The following CTNNA2 variants were observed in gnomAD, a reference collection of about 807,000 sequenced individuals.
CTNNA2 encodes the protein catenin alpha 2.
In CTNNA2, 42 loss-of-function variants were observed where a neutral mutation model predicts 101.0. The ratio of observed to expected loss-of-function variants is 0.42; its 90% confidence interval spans 0.32 to 0.54. The LOEUF (loss-of-function observed/expected upper bound fraction) is 0.54. CTNNA2 is among the 20% of genes least tolerant of loss of function. The pLI is 0.14. For missense variants in CTNNA2, 871 were observed against 1,223.1 expected, an observed-to-expected ratio of 0.71 and a Z score of 4.29; for synonymous variants, 450 against 456.4, an observed-to-expected ratio of 0.99 and a Z score of 0.18.
intron 9 of CTNNA2, among the ~76,000 whole-genome samples, chr2:80,507,657 T>C (rs1688379876): frequency 6.6e-6 from 1 of 152,166 alleles, no homozygotes; most frequent in Admixed American, 6.6e-5. Context: ...TGTCCCCCAG[T>C]TGGCTTGCTC....
chr2:80,571,706 C>T (rs896487353), intron 12 of CTNNA2, among the ~76,000 whole-genome samples: 3 of 152,296 alleles, frequency 2.0e-5, no homozygotes, highest in African/African-American at 4.8e-5. Context: ...AATATATTGA[C>T]TGTCCCCTGA....
At chr2:80,358,148 G>A (rs1216946302) in intron 7 of CTNNA2, among the ~76,000 whole-genome samples, 3 of 152,062 alleles carry the variant, frequency 2.0e-5, no homozygotes, top group African/African-American at 4.8e-5. Flanking sequence ...ATTCACAGGA[G>A]CGATGTGAAA....
chr2:80,007,847 A>G lies in CTNNA2; in HGVS notation c.1056+98050A>G, dbSNP rs185778312. Reference sequence around the variant, plus strand: ...TGGAGGAGGTGAGGACAGTGAGAGGACCACTACTCTGCAGGTCAGGCCATG... The same window carrying G: ...TGGAGGAGGTGAGGACAGTGAGAGGGCCACTACTCTGCAGGTCAGGCCATG... On this transcript the variant is annotated intron_variant, in intron 7 of 18. Transcript: ENST00000402739. Among the ~76,000 whole-genome samples, 9 of 152,194 alleles carry G rather than the reference A, an allele frequency of 5.9e-5. No homozygotes were observed. The East Asian group carries it at 1.7e-3, about 29-fold the overall frequency.
At chr2:80,369,912 C>G (rs1675290258) in intron 7 of CTNNA2, among the ~76,000 whole-genome samples, 1 of 152,094 alleles carries the variant, frequency 6.6e-6, no homozygotes, top group African/African-American at 2.4e-5. Context: ...TATGCCTGAC[C>G]ACACCTTGAT....
chr2:79,858,216 G>A (rs1471216955), intron 4 of CTNNA2, 37 bp downstream of exon 4: 1 of 1,539,140 alleles, frequency 6.5e-7, no homozygotes, highest in Non-Finnish European at 9.0e-7. Context: ...TTCTTTATGT[G>A]AGTGGCAATC....
At chr2:79,396,744 G>A (rs1014030135) in intron 4 of CTNNA2, among the ~76,000 whole-genome samples, 10 of 152,176 alleles carry the variant, frequency 6.6e-5, no homozygotes, top group South Asian at 2.1e-4. Context: ...GGCAAAACCC[G>A]GAGTTTAGGT....
intron 4 of CTNNA2, among the ~76,000 whole-genome samples, chr2:79,469,460 G>A (rs902691401): frequency 7.2e-5 from 11 of 152,152 alleles, no homozygotes; most frequent in East Asian, 3.9e-4. Flanking sequence ...ACAAGGAGGA[G>A]CTGGTACCAT....
intron 7 of CTNNA2, among the ~76,000 whole-genome samples, chr2:80,102,569 G>A (rs1298324089): frequency 6.6e-6 from 1 of 152,178 alleles, no homozygotes; most frequent in Non-Finnish European, 1.5e-5. Context: ...CTGGAGTTCA[G>A]TGGCATGATC....
In CTNNA2 at chr2:80,218,987, C is replaced by T. The variant is rs77837355; in HGVS notation, c.1057-174224C>T. Among the ~76,000 whole-genome samples the T allele has an allele frequency of 3.2e-3, 489 of 152,196 alleles. 4 individuals carry two copies. The highest frequency in any genetic ancestry group is 3.4e-3 in the Middle Eastern group (1 of 294). On this transcript the variant is annotated intron_variant, in intron 7 of 18. Coordinates refer to ENST00000402739, the MANE Select transcript of CTNNA2 (RefSeq NM_001282597.3). ...TGTAGAATCACATGCTAAGGATCCA[C>T]AACCAGAATATAATCACCTGTGTAG... is the stretch of plus-strand genomic sequence containing the variant.
rs185322636 is a variant in CTNNA2, at chr2:80,307,400, C to T, written c.1057-85811C>T. On this transcript the variant is annotated intron_variant, in intron 7 of 18. Coordinates refer to ENST00000402739, the MANE Select transcript of CTNNA2 (RefSeq NM_001282597.3). Reference sequence around the variant, plus strand: ...CGAGAAACGACAACTTTTGAGTCACCACAGCAAGTCGATATGGCTGTTTTT... The same window carrying T: ...CGAGAAACGACAACTTTTGAGTCACTACAGCAAGTCGATATGGCTGTTTTT... Among the ~76,000 whole-genome samples, 5 of 151,966 alleles carry T rather than the reference C, an allele frequency of 3.3e-5. No homozygotes were observed. In the East Asian group the frequency reaches 9.7e-4, roughly 29 times the overall value.
intron 6 of CTNNA2, among the ~76,000 whole-genome samples, chr2:79,904,477 A>G (rs992871649): frequency 6.6e-6 from 1 of 152,230 alleles, no homozygotes; most frequent in Admixed American, 6.5e-5. Context: ...AAAGTAATAT[A>G]CTTTATAATT....
chr2:79,877,379 G>T (rs1294051991), intron 6 of CTNNA2, among the ~76,000 whole-genome samples: 37 of 152,110 alleles, frequency 2.4e-4, no homozygotes, highest in Non-Finnish European at 5.9e-5. Flanking sequence ...ACTGTAATGT[G>T]ATTCACCTGC....
intron 7 of CTNNA2, among the ~76,000 whole-genome samples, chr2:79,965,464 TCTCTAAGTAAATGG>T (rs1453478104): frequency 1.3e-5 from 2 of 152,114 alleles, no homozygotes; most frequent in African/African-American, 2.4e-5. Context: ...CAGACTTTAG[TCTCTAAGTAAATGG>T]CTTCACACTA....
At chr2:79,815,038 A>C (rs1190813747) in intron 3 of CTNNA2, among the ~76,000 whole-genome samples, 4 of 151,974 alleles carry the variant, frequency 2.6e-5, no homozygotes, top group Non-Finnish European at 5.9e-5. Context: ...GATGTTGAGC[A>C]TTTTTTCACA....
At chr2:80,167,138 T>G (rs1704751933) in intron 7 of CTNNA2, among the ~76,000 whole-genome samples, 2 of 152,128 alleles carry the variant, frequency 1.3e-5, no homozygotes, top group South Asian at 4.1e-4. Flanking sequence ...TAATTGCCAT[T>G]ATTGTTAATG....
rs185449449 is a variant in CTNNA2 at position 79,830,573 on chromosome 2, G to A, written c.299-27440G>A. On this transcript the variant is annotated intron_variant, in intron 3 of 18. Transcript: ENST00000402739. ...TGATCCTGGCACTCGTCATCCACGA[G>A]CAATTATTTAATGTTCACCTGCACT... Among the ~76,000 whole-genome samples, 10 of 152,298 alleles carry A rather than the reference G, an allele frequency of 6.6e-5. No individual in the cohort carries two copies. In the East Asian group the frequency reaches 1.9e-3, roughly 29 times the overall value.
chr2:79,401,381 C>A (rs1158218567), intron 4 of CTNNA2, among the ~76,000 whole-genome samples: 1 of 151,372 alleles, frequency 6.6e-6, no homozygotes, highest in Non-Finnish European at 1.5e-5. Flanking sequence ...CAATATGAGA[C>A]AGCTACACAA....
chr2:79,829,855 G>T (rs1053345444), intron 3 of CTNNA2, among the ~76,000 whole-genome samples: 1 of 151,912 alleles, frequency 6.6e-6, no homozygotes, highest in Non-Finnish European at 1.5e-5. Flanking sequence ...GAGTAGCTGG[G>T]ACTACAGGCG....
At chr2:79,955,598 G>T (rs1301781027) in intron 7 of CTNNA2, among the ~76,000 whole-genome samples, 1 of 152,182 alleles carries the variant, frequency 6.6e-6, no homozygotes, top group African/African-American at 2.4e-5. Flanking sequence ...TGTCACTCAG[G>T]CTGCAATGCA....
Sources: gnomAD v4.1 joint callset for allele counts (sites outside exome capture counted in the v4.1 genomes callset) on GRCh38, gnomAD v4.1.1 for gene constraint, MANE v1.5 for transcripts, NCBI Gene and HGNC (gene_info 2026-07-23, HGNC 2026-07-21) for gene names.